Variants in MYO10 observed in about 807,000 individuals in gnomAD.
MYO10 encodes the protein unconventional myosin-X.
Under a neutral mutation model 257.3 loss-of-function variants are expected in MYO10, and 133 were observed. The ratio of observed to expected loss-of-function variants is 0.52; its 90% CI spans 0.45 to 0.60. The LOEUF (loss-of-function observed/expected upper bound fraction) is 0.60, where lower values mean the gene tolerates loss of function less well. Among genes scored for constraint, MYO10 ranks in the 20% least tolerant of loss-of-function variants. The pLI, the probability that MYO10 is intolerant of heterozygous loss-of-function variation, is 0.00. For synonymous variants in MYO10, 1,104 were observed against 1,028.6 expected (o/e 1.07, Z -1.40); for missense variants, 2,399 against 2,635.7 (o/e 0.91, Z 1.97).
At chr5:16,874,344 CGG>C (rs61697249) in intron 2 of MYO10, among the ~76,000 whole-genome samples, 4,207 of 28,496 alleles carry the variant, frequency 0.15, 475 homozygotes, top group African/African-American at 0.34. Context: ...AAAAAAAAAG[CGG>C]GGGGGGGGGG....
At chr5:16,930,587 C>T (rs1341363124) in intron 1 of MYO10, among the ~76,000 whole-genome samples, 1 of 152,202 alleles carries the variant, frequency 6.6e-6, no homozygotes, top group Admixed American at 6.5e-5. Context: ...ACTGACATTC[C>T]ATTCACCAAG....
At chr5:16,856,119 T>C (rs1440023724) in intron 2 of MYO10, among the ~76,000 whole-genome samples, 1 of 152,250 alleles carries the variant, frequency 6.6e-6, no homozygotes, top group African/African-American at 2.4e-5. Context: ...AGTCTTCATC[T>C]AGGAAACCCT....
At chr5:16,738,137 T>C (rs1010987443) in intron 19 of MYO10, 1 of 985,272 alleles carries the variant, frequency 1.0e-6, no homozygotes, top group Admixed American at 6.2e-5. Flanking sequence ...GGTACTCACC[T>C]AGCCTGGAGC....
At chr5:16,912,849 C>CACACACACACACACACACACACACA (rs57618587) in intron 1 of MYO10, among the ~76,000 whole-genome samples, 1 of 148,522 alleles carries the variant, frequency 6.7e-6, no homozygotes, top group Non-Finnish European at 1.5e-5. Context: ...CACACACACA[C>CACACACACACACACACACACACACA]CATGGTACCT....
chr5:16,791,874 T>G (rs1016995009), intron 4 of MYO10, among the ~76,000 whole-genome samples: 9 of 152,266 alleles, frequency 5.9e-5, no homozygotes, highest in African/African-American at 2.2e-4. Context: ...TAGTCACAGA[T>G]TAAATTGTTT....
Position 16,791,830 on chromosome 5 carries a change from G to A in MYO10, c.467+2816C>T, listed in dbSNP as rs138187950. Among the ~76,000 whole-genome samples, 350 of 152,236 alleles carry A rather than the reference G, an allele frequency of 2.3e-3. 2 individuals carry two copies. Among genetic ancestry groups the A allele is most frequent in the African/African-American group, 8.2e-3 (340 of 41,542 alleles). Reference sequence around the variant, plus strand: ...TAAATTCTAACTCCAGAACTTTTATGAAGTCATTTAGAAGAGCCCACAAAT... The same window carrying A: ...TAAATTCTAACTCCAGAACTTTTATAAAGTCATTTAGAAGAGCCCACAAAT... On this transcript the variant is annotated intron_variant, in intron 4 of 40. Coordinates refer to ENST00000513610, the MANE Select transcript of MYO10 (RefSeq NM_012334.3).
At chr5:16,752,378 G>A (rs1740401603) in intron 19 of MYO10, among the ~76,000 whole-genome samples, 1 of 152,180 alleles carries the variant, frequency 6.6e-6, no homozygotes, top group African/African-American at 2.4e-5. Context: ...CGCCTCCCGG[G>A]TTCAAGCAAT....
intron 2 of MYO10, among the ~76,000 whole-genome samples, chr5:16,826,058 G>C (rs781472524): frequency 6.6e-6 from 1 of 151,988 alleles, no homozygotes; most frequent in Non-Finnish European, 1.5e-5. Context: ...AGAGGCAAAA[G>C]AATCGCTTGA....
At chr5:16,792,124 C>G (rs1174245995) in intron 4 of MYO10, among the ~76,000 whole-genome samples, 114 of 120,428 alleles carry the variant, frequency 9.5e-4, no homozygotes, top group African/African-American at 3.2e-3. Context: ...CACACACACA[C>G]ACACACACAG....
intron 9 of MYO10, among the ~76,000 whole-genome samples, chr5:16,769,527 A>T (rs900205820): frequency 1.3e-5 from 2 of 152,112 alleles, no homozygotes; most frequent in African/African-American, 4.8e-5. Flanking sequence ...TTTTGTAGAG[A>T]CTGGGTTTCA....
At chr5:16,794,956 G>T in intron 3 of MYO10, 123 bp from the exon 4 acceptor site, 1 of 683,646 alleles carries the variant, frequency 1.5e-6, no homozygotes, top group Non-Finnish European at 2.2e-6. Flanking sequence ...GGTGCACACT[G>T]TCCCTGCCTT....
intron 2 of MYO10, among the ~76,000 whole-genome samples, chr5:16,871,977 T>TTTTCACA (rs1294838867): frequency 6.6e-6 from 1 of 152,170 alleles, no homozygotes. Flanking sequence ...CTCAGCGTTG[T>TTTTCACA]TTTCACATTT....
At chr5:16,786,214 G>C (rs10074151) in intron 4 of MYO10, among the ~76,000 whole-genome samples, 107,660 of 151,952 alleles carry the variant, frequency 0.71, 39,573 homozygotes, top group Non-Finnish European at 0.82. Context: ...TTGGCTCACC[G>C]AATATGGCAA....
intron 1 of MYO10, among the ~76,000 whole-genome samples, chr5:16,878,994 A>G (rs915408905): frequency 4.1e-4 from 62 of 151,430 alleles, no homozygotes; most frequent in African/African-American, 1.5e-3. Flanking sequence ...TTAAAAAAAA[A>G]AAAGAAAAAA....
intron 2 of MYO10, among the ~76,000 whole-genome samples, chr5:16,876,852 G>C (rs1421028526): frequency 6.6e-6 from 1 of 152,174 alleles, no homozygotes; most frequent in Non-Finnish European, 1.5e-5. Context: ...ACTGTGCCCA[G>C]CCTGAACTGA....
chr5:16,877,989 C>T (rs981895338), intron 1 of MYO10, among the ~76,000 whole-genome samples: 6 of 152,134 alleles, frequency 3.9e-5, no homozygotes, highest in Non-Finnish European at 5.9e-5. Context: ...AGGTGGATTA[C>T]GTCATTTGAG....
chr5:16,838,998 C>A (rs1056867851), intron 2 of MYO10, among the ~76,000 whole-genome samples: 1 of 152,200 alleles, frequency 6.6e-6, no homozygotes, highest in Non-Finnish European at 1.5e-5. Flanking sequence ...ACTGACAATG[C>A]ACCTGGTCAC....
At chr5:16,868,604 C>CAA (rs1296546044) in intron 2 of MYO10, among the ~76,000 whole-genome samples, 5 of 130,520 alleles carry the variant, frequency 3.8e-5, no homozygotes, top group Non-Finnish European at 5.0e-5. Context: ...GACTCCGTCT[C>CAA]AAAAAAAAAA....
chr5:16,751,174 G>A (rs1053265342), intron 19 of MYO10, among the ~76,000 whole-genome samples: 1 of 152,018 alleles, frequency 6.6e-6, no homozygotes, highest in African/African-American at 2.4e-5. Flanking sequence ...ATCCCTCCAC[G>A]CTGAAAATAC....
Sources: allele counts gnomAD v4.1 joint callset (sites outside exome capture counted in the v4.1 genomes callset), GRCh38; gene constraint gnomAD v4.1.1; transcripts MANE v1.5; gene names NCBI Gene and HGNC (gene_info 2026-07-23, HGNC 2026-07-21).